The following TTC28 variants were observed in gnomAD, a reference collection of about 807,000 sequenced individuals.
The protein encoded by TTC28 is tetratricopeptide repeat protein 28.
Under a neutral mutation model 198.0 loss-of-function variants are expected in TTC28, and 61 were observed. The ratio of observed to expected loss-of-function variants is 0.31; its 90% CI spans 0.25 to 0.38. The LOEUF is 0.38. Among genes scored for constraint, TTC28 ranks in the 10% least tolerant of loss-of-function variants. The pLI, the probability that TTC28 is intolerant of heterozygous loss-of-function variation, is 1.00. For missense variants in TTC28, 2,678 were observed against 3,164.0 expected, an observed-to-expected ratio of 0.85 and a Z score of 3.69; for synonymous variants, 1,171 against 1,297.8, an observed-to-expected ratio of 0.90 and a Z score of 2.10.
At chr22:28,146,582 A>G (rs1430155941) in intron 6 of TTC28, among the ~76,000 whole-genome samples, 1 of 152,182 alleles carries the variant, frequency 6.6e-6, no homozygotes, top group Non-Finnish European at 1.5e-5. Context: ...GGGCTTGATA[A>G]CTTTTAGTCC....
chr22:28,165,770 C>G (rs560688884), intron 5 of TTC28, among the ~76,000 whole-genome samples: 1 of 152,324 alleles, frequency 6.6e-6, no homozygotes, highest in South Asian at 2.1e-4. Flanking sequence ...ACTGCATCAA[C>G]TAACCAGCAA....
chr22:28,343,412 C>T (rs1239887769), intron 2 of TTC28, among the ~76,000 whole-genome samples: 1 of 151,954 alleles, frequency 6.6e-6, no homozygotes, highest in African/African-American at 2.4e-5. Flanking sequence ...TGCCTGTAAT[C>T]CCAGCCACTT....
chr22:28,017,407 G>A (rs1302067078), intron 13 of TTC28, among the ~76,000 whole-genome samples: 1 of 152,238 alleles, frequency 6.6e-6, no homozygotes, highest in East Asian at 1.9e-4. Flanking sequence ...GCAGCACCGG[G>A]GATAAGTCCC....
At position 28,225,094 on chromosome 22, in the gene TTC28, G is replaced by C. The variant is rs1180505061; in HGVS notation, c.934-61495C>G. 2.0e-5 allele frequency among the ~76,000 whole-genome samples: 3 copies of C among 151,910 alleles called. No homozygotes were observed. In the East Asian group the frequency reaches 5.8e-4, roughly 29 times the overall value. ...ATCTCACAGAAAAACAATGGTGCTG[G>C]CTGGGCACAATGGCTCACCTGTAAT... is the stretch of plus-strand genomic sequence containing the variant. On this transcript the variant is annotated intron_variant, in intron 5 of 22. Transcript: ENST00000397906.
chr22:28,181,578 G>T (rs1923700906), intron 5 of TTC28, among the ~76,000 whole-genome samples: 2 of 152,052 alleles, frequency 1.3e-5, no homozygotes. Flanking sequence ...CAATACAACA[G>T]GCATCTGTGC....
At chr22:28,121,748 C>G (rs1429591155) in intron 6 of TTC28, among the ~76,000 whole-genome samples, 1 of 152,242 alleles carries the variant, frequency 6.6e-6, no homozygotes, top group Non-Finnish European at 1.5e-5. Flanking sequence ...GGCTAGAAAG[C>G]CAAGTATTTA....
intron 2 of TTC28, among the ~76,000 whole-genome samples, chr22:28,413,228 G>A (rs1046904229): frequency 2.6e-5 from 4 of 152,066 alleles, no homozygotes; most frequent in African/African-American, 9.7e-5. Context: ...GAGGTCAAGA[G>A]ATCAAGACCA....
chr22:28,027,713 C>A (rs1938891240), intron 13 of TTC28, among the ~76,000 whole-genome samples: 1 of 152,248 alleles, frequency 6.6e-6, no homozygotes, highest in African/African-American at 2.4e-5. Flanking sequence ...CCACTTCTAG[C>A]CGCTCTGTTC....
At chr22:28,371,561 T>A (rs538336789) in intron 2 of TTC28, among the ~76,000 whole-genome samples, 1 of 90,454 alleles carries the variant, frequency 1.1e-5, no homozygotes, top group African/African-American at 4.1e-5. Context: ...CTGGGCAACA[T>A]GGCAAAACCT....
At position 28,377,700 on chromosome 22, in the gene TTC28, A is replaced by T. The variant is rs886710878; in HGVS notation, c.382-71057T>A. Among the ~76,000 whole-genome samples the T allele has an allele frequency of 9.2e-5, 14 of 152,208 alleles. 1 individual carries two copies. Among genetic ancestry groups the T allele is most frequent in the African/African-American group, 3.1e-4 (13 of 41,466 alleles). On this transcript the variant is annotated intron_variant, in intron 2 of 22. Transcript: ENST00000397906. The stretch of plus-strand genomic sequence containing the variant: ...AACATTAAAAGCAAGTCTGAAAAGG[A>T]TCAAACCATCTCCAAGTAACTTAAC...
chr22:28,008,044 G>C (rs1937996686), intron 14 of TTC28: 1 of 152,194 alleles, frequency 6.6e-6, no homozygotes, highest in South Asian at 2.1e-4. Context: ...CCTCATACTG[G>C]AATCTAGGTC....
intron 2 of TTC28, among the ~76,000 whole-genome samples, chr22:28,559,035 CAA>C (rs566036315): frequency 7.4e-6 from 1 of 134,700 alleles, no homozygotes; most frequent in Admixed American, 7.5e-5. Flanking sequence ...GACTCCATCT[CAA>C]AAAAAAAAAA....
intron 5 of TTC28, among the ~76,000 whole-genome samples, chr22:28,184,699 C>T (rs1040594000): frequency 6.6e-6 from 1 of 151,844 alleles, no homozygotes; most frequent in African/African-American, 2.4e-5. Flanking sequence ...TTTCTAATTA[C>T]AAGTATGATC....
intron 5 of TTC28, among the ~76,000 whole-genome samples, chr22:28,224,727 A>G (rs1392911879): frequency 1.3e-5 from 2 of 151,900 alleles, no homozygotes; most frequent in Non-Finnish European, 2.9e-5. Context: ...TAAGAAAGTG[A>G]TCTCCCCTTC....
At chr22:28,355,985 C>T (rs2046072220) in intron 2 of TTC28, among the ~76,000 whole-genome samples, 3 of 152,198 alleles carry the variant, frequency 2.0e-5, no homozygotes, top group African/African-American at 7.2e-5. Context: ...GAATCTAAGG[C>T]ACCTTCTGTT....
intron 2 of TTC28, among the ~76,000 whole-genome samples, chr22:28,560,144 G>A (rs1337141124): frequency 1.3e-5 from 2 of 152,060 alleles, no homozygotes; most frequent in East Asian, 1.9e-4. Context: ...TTGATTCCTC[G>A]CTTTCTTTCA....
intron 5 of TTC28, among the ~76,000 whole-genome samples, chr22:28,239,698 C>G (rs771794723): frequency 1.3e-5 from 2 of 152,068 alleles, no homozygotes; most frequent in Admixed American, 6.5e-5. Flanking sequence ...CCTAGGAACT[C>G]TACCAGGCTC....
intron 2 of TTC28, among the ~76,000 whole-genome samples, chr22:28,355,438 AAAG>A: frequency 6.6e-6 from 1 of 152,346 alleles, no homozygotes; most frequent in Middle Eastern, 3.4e-3. Flanking sequence ...CCTTTTTAAA[AAAG>A]AAGAATCAAG....
chr22:28,043,792 T>C (rs1192333068), intron 12 of TTC28, among the ~76,000 whole-genome samples: 1 of 152,168 alleles, frequency 6.6e-6, no homozygotes, highest in Non-Finnish European at 1.5e-5. Flanking sequence ...GTGTCCTTAC[T>C]GCCCAAAGCC....
Sources: allele counts gnomAD v4.1 joint callset (sites outside exome capture counted in the v4.1 genomes callset), GRCh38; gene constraint gnomAD v4.1.1; transcripts MANE v1.5; gene names NCBI Gene and HGNC (gene_info 2026-07-23, HGNC 2026-07-21).